CFLAR: variants seen among roughly 807,000 people sequenced by gnomAD.
CFLAR encodes the protein CASP8 and FADD-like apoptosis regulator.
A neutral mutation model predicts 51.1 loss-of-function variants in CFLAR; 14 were observed. That is an observed-to-expected ratio of 0.27 (90% confidence interval 0.18 to 0.43). The LOEUF (loss-of-function observed/expected upper bound fraction) is 0.43. CFLAR is among the 20% of genes least tolerant of loss of function. The pLI is 1.00. For missense variants in CFLAR, 390 were observed against 566.5 expected, an observed-to-expected ratio of 0.69 and a Z score of 3.16; for synonymous variants, 210 against 211.6, an observed-to-expected ratio of 0.99 and a Z score of 0.06.
rs1944091296 is a variant in CFLAR, at chr2:201,172,721, G to A, written c.*8748G>A. 1 of 152,188 alleles carries A rather than the reference G, an allele frequency of 6.6e-6. No homozygotes were observed. The highest frequency in any genetic ancestry group is 2.1e-4 in the South Asian group (1 of 4,830). The allele number at this position is 152,188 out of a possible 1,614,324, so 9.4% of individuals were successfully genotyped here. Reference sequence around the variant, plus strand: ...TCAAGGTTCATCTATGCTATAGAGTGTACCAGTGCTTCATTACATTTTATG... The same window carrying A: ...TCAAGGTTCATCTATGCTATAGAGTATACCAGTGCTTCATTACATTTTATG... On this transcript the variant is annotated 3_prime_UTR_variant, in exon 10 of 10. Coordinates refer to ENST00000309955, the MANE Select transcript of CFLAR (RefSeq NM_003879.7).
intron 5 of CFLAR, among the ~76,000 whole-genome samples, chr2:201,145,001 C>T (rs930621397): frequency 1.1e-4 from 16 of 152,116 alleles, no homozygotes; most frequent in Admixed American, 2.6e-4. Flanking sequence ...TACAGGGGCA[C>T]GCCACCATGC....
Position 201,138,528 on chromosome 2 carries a change from T to C in CFLAR, c.524-1829T>C. The C allele has an allele frequency of 3.2e-6, 5 of 1,546,894 alleles. No homozygotes were observed. The highest frequency in any genetic ancestry group is 4.4e-6 in the Non-Finnish European group (5 of 1,130,912). On this transcript the variant is annotated intron_variant, in intron 4 of 9. Transcript: ENST00000309955. This position sits in a 1 kb window ranked among gnomAD's most constrained non-coding sequence, Gnocchi z 4.0. The stretch of plus-strand genomic sequence containing the variant: ...TAGCTTGATCCTTGGCATCATCACC[T>C]CACTGAGGAGGGTGGTGTGGTCCTT...
chr2:201,156,407 T>C (rs1476540111), intron 8 of CFLAR, among the ~76,000 whole-genome samples: 1 of 152,248 alleles, frequency 6.6e-6, no homozygotes, highest in Non-Finnish European at 1.5e-5. Context: ...ACCCATGTGC[T>C]CTATAGCAGT....
At chr2:201,161,517 A>C in intron 9 of CFLAR, among the ~76,000 whole-genome samples, 1 of 150,524 alleles carries the variant, frequency 6.6e-6, no homozygotes. Flanking sequence ...AGGTTCAAGC[A>C]GTTGTCCTGC....
At chr2:201,139,106 C>T (rs1488598797) in intron 4 of CFLAR, 9 of 376,534 alleles carry the variant, frequency 2.4e-5, no homozygotes, top group South Asian at 8.2e-5. Context: ...TCTTCTGCCT[C>T]GAGATGCTGT....
intron 4 of CFLAR, chr2:201,136,685 C>A: frequency 2.3e-6 from 2 of 885,172 alleles, no homozygotes; most frequent in South Asian, 1.8e-5. Flanking sequence ...CATAGCATCA[C>A]AGCCTAAAGG....
At chr2:201,117,636 A>G (rs1329961740) in intron 1 of CFLAR, among the ~76,000 whole-genome samples, 1 of 151,932 alleles carries the variant, frequency 6.6e-6, no homozygotes, top group Non-Finnish European at 1.5e-5. Context: ...CCTGCTTTAG[A>G]GAGAGATTTC....
In CFLAR at chr2:201,165,326, A is replaced by AGT. The variant is rs1943433185; in HGVS notation, c.*1355_*1356dup. 2 of 150,786 alleles carry AGT rather than the reference A, an allele frequency of 1.3e-5. No homozygotes were observed. The highest frequency in any genetic ancestry group is 4.9e-5 in the African/African-American group (2 of 41,112). 9.3% of individuals were successfully genotyped at this position (150,786 alleles called of 1,614,324 possible). On this transcript the variant is annotated 3_prime_UTR_variant, in exon 10 of 10. Coordinates refer to ENST00000309955, the MANE Select transcript of CFLAR (RefSeq NM_003879.7). ...CATTCTGCTGCCCAGGCTGGAGTGC[A>AGT]GTGGCATCATCTTGGCTCATTGCAA... is the stretch of plus-strand genomic sequence containing the variant.
chr2:201,166,318 C>CT lies in CFLAR; in HGVS notation c.*2346dup, dbSNP rs1196574677. 1 of 166,384 alleles carries CT rather than the reference C, an allele frequency of 6.0e-6. No individual in the cohort carries two copies. Among genetic ancestry groups the CT allele is most frequent in the African/African-American group, 2.4e-5 (1 of 41,558 alleles). 10.3% of individuals were successfully genotyped at this position (166,384 alleles called of 1,614,324 possible). On this transcript the variant is annotated 3_prime_UTR_variant, in exon 10 of 10. Coordinates refer to ENST00000309955, the MANE Select transcript of CFLAR (RefSeq NM_003879.7). The stretch of plus-strand genomic sequence containing the variant: ...TGCCAGGCGGAGGGGCTCCTCACTT[C>CT]TCAGACGGGGTGGCTGCTGGGCGGA...
chr2:201,147,521 C>T (rs912891605), intron 6 of CFLAR, among the ~76,000 whole-genome samples: 9 of 145,024 alleles, frequency 6.2e-5, no homozygotes, highest in African/African-American at 2.0e-4. Context: ...AGAGCAAGAC[C>T]CTGCCCCCCA....
intron 4 of CFLAR, chr2:201,137,517 C>T (rs554760730): frequency 4.6e-6 from 3 of 646,030 alleles, no homozygotes; most frequent in Non-Finnish European, 8.6e-6. Flanking sequence ...CCGCTGTCCT[C>T]AGTACAGCCA....
intron 4 of CFLAR, 124 bp downstream of exon 4, chr2:201,136,231 C>T (rs765930124): frequency 5.4e-5 from 87 of 1,607,682 alleles, no homozygotes; most frequent in Non-Finnish European, 7.0e-5. Context: ...ACCAAAGCCT[C>T]CTTTAGCTTG....
intron 1 of CFLAR, among the ~76,000 whole-genome samples, chr2:201,127,035 A>C (rs1252340958): frequency 6.6e-6 from 1 of 152,176 alleles, no homozygotes; most frequent in Non-Finnish European, 1.5e-5. Flanking sequence ...ATTAAATTAG[A>C]ATATGCCTGT....
intron 2 of CFLAR, among the ~76,000 whole-genome samples, chr2:201,132,075 C>T (rs1258854935): frequency 2.6e-5 from 4 of 152,002 alleles, no homozygotes; most frequent in South Asian, 2.1e-4. Context: ...TCAGACTTTC[C>T]GGGAGGCACC....
Position 201,133,692 on chromosome 2 carries a change from G to A in CFLAR, c.387+558G>A, listed in dbSNP as rs555846336. Among the ~76,000 whole-genome samples the A allele has an allele frequency of 7.9e-5, 12 of 151,750 alleles. No individual in the cohort carries two copies. In the East Asian group the frequency reaches 1.6e-3, roughly 20 times the overall value. On this transcript the variant is annotated intron_variant, in intron 3 of 9. Transcript: ENST00000309955. ...ATGCCTGTAATCCCAGCACTTTGGG[G>A]GGCCAAGGTGGGTGGATCACGAGGT... is the stretch of plus-strand genomic sequence containing the variant.
chr2:201,140,179 C>T, intron 4 of CFLAR, 178 bp from the exon 5 acceptor site: 1 of 656,242 alleles, frequency 1.5e-6, no homozygotes, highest in Non-Finnish European at 2.4e-6. Flanking sequence ...GCGCCCTATA[C>T]TCCATTCTTC....
chr2:201,164,039 G>A lies in CFLAR; in HGVS notation c.*66G>A. The A allele has an allele frequency of 1.4e-6, 2 of 1,389,220 alleles. No individual in the cohort carries two copies. Among genetic ancestry groups the A allele is most frequent in the Non-Finnish European group, 9.9e-7 (1 of 1,009,064 alleles). 86.1% of individuals were successfully genotyped at this position (1,389,220 alleles called of 1,614,324 possible). On this transcript the variant is annotated 3_prime_UTR_variant, in exon 10 of 10. Coordinates refer to ENST00000309955, the MANE Select transcript of CFLAR (RefSeq NM_003879.7). ...CCAGCACTTTGGGAGGCCAAGGAGG[G>A]CAGATCACTTCAGGTCAGGAGTTCG... is the stretch of plus-strand genomic sequence containing the variant.
Position 201,138,510 on chromosome 2 carries a change from A to T in CFLAR, c.524-1847A>T. 5 of 1,392,950 alleles carry T rather than the reference A, an allele frequency of 3.6e-6. No individual in the cohort carries two copies. Among genetic ancestry groups the T allele is most frequent in the Non-Finnish European group, 5.1e-6 (5 of 989,954 alleles). 86.3% of individuals were successfully genotyped at this position (1,392,950 alleles called of 1,614,324 possible). A position where few individuals can be genotyped will look rare whatever the true frequency, so the allele number is the denominator to read the frequency against. On this transcript the variant is annotated intron_variant, in intron 4 of 9. Transcript: ENST00000309955. The surrounding 1 kb of genome is among the most constrained non-coding windows in gnomAD (Gnocchi z 4.0). ...CACTGCTGGAGCCACCACTAGCTTG[A>T]TCCTTGGCATCATCACCTCACTGAG...
In CFLAR at chr2:201,164,059, A is replaced by G; in HGVS notation, c.*86A>G. 1 of 1,107,846 alleles carries G rather than the reference A, an allele frequency of 9.0e-7. No homozygotes were observed. The highest frequency in any genetic ancestry group is 1.3e-6 in the Non-Finnish European group (1 of 779,748). 68.6% of individuals were successfully genotyped at this position (1,107,846 alleles called of 1,614,324 possible). On this transcript the variant is annotated 3_prime_UTR_variant, in exon 10 of 10. Coordinates refer to ENST00000309955, the MANE Select transcript of CFLAR (RefSeq NM_003879.7). Reference sequence around the variant, plus strand: ...GGAGGGCAGATCACTTCAGGTCAGGAGTTCGAGACCAGCCTGGCCAACATG... The same window carrying G: ...GGAGGGCAGATCACTTCAGGTCAGGGGTTCGAGACCAGCCTGGCCAACATG...
Sources: allele counts gnomAD v4.1 joint callset (sites outside exome capture counted in the v4.1 genomes callset), GRCh38; gene constraint gnomAD v4.1.1; non-coding constraint Gnocchi (gnomAD v3.1); transcripts MANE v1.5; gene names NCBI Gene and HGNC (gene_info 2026-07-23, HGNC 2026-07-21).